Variants in SDK1 observed in about 807,000 individuals in gnomAD.
The protein encoded by SDK1 is protein sidekick-1.
SDK1 carries 157 observed loss-of-function variants against 245.5 expected under a neutral mutation model. That is an observed-to-expected ratio of 0.64 (90% CI 0.56 to 0.73). The LOEUF is 0.73. Among genes scored for constraint, SDK1 ranks in the 30% least tolerant of loss-of-function variants. SDK1 has a pLI of 0.00. For missense variants in SDK1, 3,583 were observed against 3,002.3 expected, an observed-to-expected ratio of 1.19 and a Z score of -4.52; for synonymous variants, 1,647 against 1,278.5, an observed-to-expected ratio of 1.29 and a Z score of -6.15.
Position 4,051,837 on chromosome 7 carries a change from A to G in SDK1, c.2911+7A>G, listed in dbSNP as rs1337108450. The G allele has an allele frequency of 6.2e-7, 1 of 1,600,816 alleles. No homozygotes were observed. The highest frequency in any genetic ancestry group is 8.5e-7 in the Non-Finnish European group (1 of 1,171,166). On this transcript the variant is annotated splice_region_variant and intron_variant, in intron 19 of 44. Coordinates refer to ENST00000404826, the MANE Select transcript of SDK1 (RefSeq NM_152744.4). ...GTCTGGACTCAGGAAGACAGTGAGT[A>G]TTCCTTTCTGCGTGTCTCTTAAGTC...
intron 4 of SDK1, among the ~76,000 whole-genome samples, chr7:3,721,177 C>G (rs997779712): frequency 1.3e-5 from 2 of 152,106 alleles, no homozygotes; most frequent in African/African-American, 4.8e-5. Context: ...GGAACTGTTC[C>G]CTCTCTTGGT....
At chr7:3,972,961 G>A (rs1398973677) in intron 12 of SDK1, among the ~76,000 whole-genome samples, 1 of 152,188 alleles carries the variant, frequency 6.6e-6, no homozygotes, top group African/African-American at 2.4e-5. Flanking sequence ...GCCTCGGAAA[G>A]AGCTCCTTCC....
intron 1 of SDK1, among the ~76,000 whole-genome samples, chr7:3,502,533 A>G (rs570487200): frequency 6.6e-4 from 101 of 152,250 alleles, no homozygotes; most frequent in Non-Finnish European, 1.3e-3. Context: ...ACAGGCGTGA[A>G]CCGCCATTCC....
At chr7:3,857,399 C>A (rs1317855815) in intron 5 of SDK1, among the ~76,000 whole-genome samples, 1 of 152,122 alleles carries the variant, frequency 6.6e-6, no homozygotes, top group Non-Finnish European at 1.5e-5. Flanking sequence ...AAACCTAAGA[C>A]AGGCTGGGTG....
At chr7:3,838,971 C>T (rs933667042) in intron 5 of SDK1, among the ~76,000 whole-genome samples, 10 of 152,158 alleles carry the variant, frequency 6.6e-5, no homozygotes, top group Admixed American at 5.9e-4. Context: ...GGCAGAGGCA[C>T]GTCCTGTCTG....
chr7:3,605,375 A>G (rs934961269), intron 1 of SDK1, among the ~76,000 whole-genome samples: 2 of 152,254 alleles, frequency 1.3e-5, no homozygotes, highest in Non-Finnish European at 2.9e-5. Context: ...GTTTCACTTA[A>G]GGAAAAATAT....
chr7:4,229,049 A>G (rs1030647008), intron 40 of SDK1, among the ~76,000 whole-genome samples: 5 of 152,234 alleles, frequency 3.3e-5, no homozygotes, highest in Non-Finnish European at 7.3e-5. Flanking sequence ...TGTCCAGAAC[A>G]TGGAAAAATT....
At chr7:3,679,763 C>T (rs1004939760) in intron 4 of SDK1, among the ~76,000 whole-genome samples, 5 of 152,110 alleles carry the variant, frequency 3.3e-5, no homozygotes, top group African/African-American at 7.2e-5. Context: ...TCAAATACGT[C>T]GAGATGTAAA....
intron 1 of SDK1, among the ~76,000 whole-genome samples, chr7:3,492,222 A>G (rs1024408869): frequency 2.6e-5 from 4 of 152,234 alleles, no homozygotes; most frequent in South Asian, 2.1e-4. Flanking sequence ...CTCTGCTAAA[A>G]TTGTTATGTG....
intron 5 of SDK1, among the ~76,000 whole-genome samples, chr7:3,943,268 C>T (rs73038416): frequency 0.02 from 3,075 of 151,976 alleles, 49 homozygotes; most frequent in East Asian, 0.045. Context: ...TGCTCAGAGC[C>T]CTGAGGGCAG....
chr7:3,475,508 C>G (rs1183834050), intron 1 of SDK1, among the ~76,000 whole-genome samples: 1 of 152,206 alleles, frequency 6.6e-6, no homozygotes, highest in African/African-American at 2.4e-5. Context: ...AAAGGAGATG[C>G]TTCACATCCT....
At chr7:3,573,379 C>A (rs923921440) in intron 1 of SDK1, among the ~76,000 whole-genome samples, 4 of 152,066 alleles carry the variant, frequency 2.6e-5, no homozygotes, top group African/African-American at 9.7e-5. Context: ...AGCAGAGCAC[C>A]CTTCTCTGCT....
At chr7:4,178,413 C>T (rs1782381717) in intron 34 of SDK1, 72 bp from the exon 35 acceptor site, 1 of 1,133,208 alleles carries the variant, frequency 8.8e-7, no homozygotes, top group Admixed American at 1.7e-5. Flanking sequence ...CATTGTGGTT[C>T]ATAGGGGGAA....
intron 3 of SDK1, among the ~76,000 whole-genome samples, chr7:3,639,949 T>A (rs1782597990): frequency 6.6e-6 from 1 of 152,084 alleles, no homozygotes; most frequent in South Asian, 2.1e-4. Context: ...TGGGCTCAAG[T>A]GATCCTCCCT....
At chr7:3,701,312 C>G (rs79991885) in intron 4 of SDK1, among the ~76,000 whole-genome samples, 2 of 152,164 alleles carry the variant, frequency 1.3e-5, no homozygotes, top group African/African-American at 4.8e-5. Flanking sequence ...GCCAACATGC[C>G]GTGTTCAACA....
In SDK1 at chr7:3,974,499, G is replaced by T; in HGVS notation, c.1948G>T (p.Val650Phe). 1.2e-6 allele frequency: 2 copies of T among 1,614,162 alleles called. No homozygotes were observed. ...CATCGGTGACTACAGCTGCGAGATT[G>T]TTTCTGAAGGAGGGAATGACTCCAG... ...GDIGDYSCEI[V>F]SEGGNDSRMA... is the part of the protein sequence containing the mutation. The change falls in exon 13 of 45, where the codon GTT (valine) becomes TTT (phenylalanine). Residue 650 changes from valine (V) to phenylalanine (F), a missense_variant. Physicochemically the swap from Val to Phe is conservative, Grantham distance 50 (BLOSUM62 -1). Transcript: ENST00000404826.
chr7:3,800,178 A>C (rs1032585396), intron 4 of SDK1, among the ~76,000 whole-genome samples: 1 of 152,044 alleles, frequency 6.6e-6, no homozygotes, highest in Non-Finnish European at 1.5e-5. Flanking sequence ...CTGTGTGTCT[A>C]ATATTATGGG....
At chr7:4,197,793 C>A (rs17134485) in intron 35 of SDK1, among the ~76,000 whole-genome samples, 50,351 of 152,124 alleles carry the variant, frequency 0.33, 9,037 homozygotes, top group African/African-American at 0.48. Flanking sequence ...GCGCTCCTGA[C>A]CTTCAGATGT....
At chr7:3,713,644 C>T (rs940618898) in intron 4 of SDK1, among the ~76,000 whole-genome samples, 4 of 152,154 alleles carry the variant, frequency 2.6e-5, no homozygotes, top group Admixed American at 6.5e-5. Flanking sequence ...AGATCCCATC[C>T]GTCATCAGAT....
Sources: gnomAD v4.1 joint callset for allele counts (sites outside exome capture counted in the v4.1 genomes callset) on GRCh38, gnomAD v4.1.1 for gene constraint, MANE v1.5 for transcripts, NCBI Gene and HGNC (gene_info 2026-07-23, HGNC 2026-07-21) for gene names.